PEX14: variants seen among roughly 807,000 people sequenced by gnomAD.
PEX14 encodes peroxisomal membrane protein PEX14.
In PEX14, 15 loss-of-function variants were observed where a neutral mutation model predicts 49.5. The observed-to-expected ratio is 0.30, with a 90% CI of 0.20 to 0.47. The LOEUF (loss-of-function observed/expected upper bound fraction) is 0.47. PEX14 is among the 20% of genes least tolerant of loss of function. The probability of loss-of-function intolerance (pLI) is 1.00; values close to 1 mark genes in which losing one functional copy is unlikely to be tolerated. For synonymous variants in PEX14, 210 were observed against 212.7 expected (o/e 0.99, Z 0.11); for missense variants, 398 against 494.8 (o/e 0.80, Z 1.86).
At chr1:10,577,410 C>CAAAAAAAAAAAAAAAACCAAAA (rs70997256) in intron 3 of PEX14, among the ~76,000 whole-genome samples, 1 of 99,362 alleles carries the variant, frequency 1.0e-5, no homozygotes, top group African/African-American at 4.0e-5. Flanking sequence ...AAAAAAAAAC[C>CAAAAAAAAAAAAAAAACCAAAA]AAAAAAAAAA....
At chr1:10,573,057 G>A (rs1475963467) in intron 3 of PEX14, among the ~76,000 whole-genome samples, 2 of 152,106 alleles carry the variant, frequency 1.3e-5, no homozygotes, top group Admixed American at 6.5e-5. Flanking sequence ...ACAGAAAAAA[G>A]GTAATGAATT....
At chr1:10,545,716 G>C (rs1057125961) in intron 3 of PEX14, among the ~76,000 whole-genome samples, 1 of 152,162 alleles carries the variant, frequency 6.6e-6, no homozygotes, top group Non-Finnish European at 1.5e-5. Context: ...TGGGATTAAT[G>C]ATAATATTTA....
intron 2 of PEX14, among the ~76,000 whole-genome samples, chr1:10,522,444 A>C (rs548793893): frequency 3.2e-4 from 48 of 152,364 alleles, no homozygotes; most frequent in Admixed American, 6.5e-4. Flanking sequence ...TTCCCTGCTC[A>C]TTATGAGCAT....
At chr1:10,577,327 G>T (rs1255566279) in intron 3 of PEX14, among the ~76,000 whole-genome samples, 1 of 143,152 alleles carries the variant, frequency 7.0e-6, no homozygotes, top group African/African-American at 2.6e-5. Flanking sequence ...AACCTGGGAG[G>T]CATAGCTTTC....
At chr1:10,480,841 TTCTC>T (rs35200732) in intron 1 of PEX14, among the ~76,000 whole-genome samples, 30 of 148,480 alleles carry the variant, frequency 2.0e-4, no homozygotes, top group African/African-American at 3.5e-4. Context: ...CTCTCTCTCT[TTCTC>T]TCTCTCTCTC....
chr1:10,490,921 C>T (rs1641459468), intron 1 of PEX14, among the ~76,000 whole-genome samples: 2 of 151,572 alleles, frequency 1.3e-5, no homozygotes, highest in Non-Finnish European at 2.9e-5. Context: ...TCAGGCTGGT[C>T]TCGAACTCCT....
At position 10,564,595 on chromosome 1, in the gene PEX14, C is replaced by CT. The variant is rs58926587; in HGVS notation, c.169+28316dup. On this transcript the variant is annotated intron_variant, in intron 3 of 8. Coordinates refer to ENST00000356607, the MANE Select transcript of PEX14 (RefSeq NM_004565.3). ...CCTGGCCTGATTTTTCTTTTTCTTT[C>CT]TTTTTTTTTTTTTTTTTTGTAGAGA... Among the ~76,000 whole-genome samples, 437 of 107,104 alleles carry CT rather than the reference C, an allele frequency of 4.1e-3. 4 individuals are homozygous for CT. The highest frequency in any genetic ancestry group is 0.013 in the African/African-American group (392 of 31,206). The allele number at this position is 107,104 out of a possible 152,430, so 70.3% of individuals were successfully genotyped here.
chr1:10,534,530 T>G (rs950702874), intron 2 of PEX14, among the ~76,000 whole-genome samples: 6 of 152,118 alleles, frequency 3.9e-5, no homozygotes, highest in African/African-American at 1.4e-4. Flanking sequence ...ATCAGTGTTG[T>G]AGATGTTTGT....
intron 2 of PEX14, among the ~76,000 whole-genome samples, chr1:10,501,533 C>T (rs1335320843): frequency 6.6e-6 from 1 of 152,008 alleles, no homozygotes; most frequent in Non-Finnish European, 1.5e-5. Context: ...AATCTCCTGA[C>T]CTCGTGATCC....
chr1:10,615,543 C>T (rs574492023), intron 4 of PEX14, among the ~76,000 whole-genome samples: 10 of 152,310 alleles, frequency 6.6e-5, no homozygotes, highest in African/African-American at 1.9e-4. Flanking sequence ...GCAGGCATTG[C>T]GCAGCGGCTC....
chr1:10,501,398 A>G (rs1416603997), intron 2 of PEX14, among the ~76,000 whole-genome samples: 1 of 151,964 alleles, frequency 6.6e-6, no homozygotes, highest in Admixed American at 6.6e-5. Flanking sequence ...TCTGCCCCCC[A>G]GGGTTCATGC....
chr1:10,490,330 C>T (rs189846446), intron 1 of PEX14, among the ~76,000 whole-genome samples: 2 of 152,174 alleles, frequency 1.3e-5, no homozygotes, highest in Admixed American at 1.3e-4. Context: ...TATCTGAAGT[C>T]GCAGTTACTG....
rs1641812691 is a variant in PEX14 at position 10,628,344 on chromosome 1, T to A, written c.677+981T>A. On this transcript the variant is annotated intron_variant, in intron 8 of 8. Coordinates refer to ENST00000356607, the MANE Select transcript of PEX14 (RefSeq NM_004565.3). This position sits in a 1 kb window ranked among gnomAD's most constrained non-coding sequence, Gnocchi z 4.5. Reference sequence around the variant, plus strand: ...ATGCCCTAGTGGGCCTTGCATGGGGTGTCCTTGTTTCCCTGCTGGGCTGGA... The same window carrying A: ...ATGCCCTAGTGGGCCTTGCATGGGGAGTCCTTGTTTCCCTGCTGGGCTGGA... Among the ~76,000 whole-genome samples, 1 of 152,202 alleles carries A rather than the reference T, an allele frequency of 6.6e-6. No homozygotes were observed. Among genetic ancestry groups the A allele is most frequent in the Admixed American group, 6.5e-5 (1 of 15,274 alleles).
intron 5 of PEX14, among the ~76,000 whole-genome samples, chr1:10,621,546 T>C (rs1641594325): frequency 6.6e-6 from 1 of 152,022 alleles, no homozygotes; most frequent in Non-Finnish European, 1.5e-5. Context: ...GGAGTTTCAC[T>C]GTGTTGGCCA....
At chr1:10,521,140 CT>C in intron 2 of PEX14, among the ~76,000 whole-genome samples, 1 of 151,466 alleles carries the variant, frequency 6.6e-6, no homozygotes, top group African/African-American at 2.4e-5. Context: ...TAAGATTTGT[CT>C]TTTCTTCCTT....
At chr1:10,565,388 A>T (rs780622982) in intron 3 of PEX14, among the ~76,000 whole-genome samples, 1 of 151,248 alleles carries the variant, frequency 6.6e-6, no homozygotes, top group Admixed American at 6.6e-5. Flanking sequence ...TCCCCTGGTC[A>T]ATCCATGTTC....
At chr1:10,511,335 G>GTCCC (rs1293423125) in intron 2 of PEX14, among the ~76,000 whole-genome samples, 2 of 151,160 alleles carry the variant, frequency 1.3e-5, no homozygotes, top group African/African-American at 4.9e-5. Flanking sequence ...CTCTTTCTCT[G>GTCCC]TCCCTCCCTT....
At chr1:10,536,479 G>A (rs1384827666) in intron 3 of PEX14, 182 bp downstream of exon 3, 4 of 626,624 alleles carry the variant, frequency 6.4e-6, no homozygotes, top group African/African-American at 5.5e-5. Context: ...TGACAATGGA[G>A]CGGCAAGATG....
chr1:10,627,586 A>G (rs1641787645), intron 8 of PEX14, among the ~76,000 whole-genome samples: 1 of 152,224 alleles, frequency 6.6e-6, no homozygotes. Flanking sequence ...AAGTTTTGAA[A>G]TACAGTTCCC....
Sources: gnomAD v4.1 joint callset for allele counts (sites outside exome capture counted in the v4.1 genomes callset) on GRCh38, gnomAD v4.1.1 for gene constraint, Gnocchi (gnomAD v3.1) non-coding constraint, MANE v1.5 for transcripts, NCBI Gene and HGNC (gene_info 2026-07-23, HGNC 2026-07-21) for gene names.